Variants in RNLS observed in about 807,000 individuals in gnomAD.
The protein encoded by RNLS is renalase.
A neutral mutation model predicts 39.8 loss-of-function variants in RNLS; 39 were observed. That is an observed-to-expected ratio of 0.98 (90% CI 0.76 to 1.28). RNLS has a LOEUF of 1.28. Among genes scored for constraint, RNLS ranks in the 50% most tolerant of loss-of-function variants. The probability of loss-of-function intolerance (pLI) is 0.00; values close to 1 mark genes in which losing one functional copy is unlikely to be tolerated. For missense variants in RNLS, 410 were observed against 413.3 expected, an observed-to-expected ratio of 0.99 and a Z score of 0.07; for synonymous variants, 147 against 150.7, an observed-to-expected ratio of 0.98 and a Z score of 0.18.
At chr10:88,474,686 GTC>G (rs1360105053) in intron 4 of RNLS, among the ~76,000 whole-genome samples, 1 of 152,166 alleles carries the variant, frequency 6.6e-6, no homozygotes, top group African/African-American at 2.4e-5. Context: ...TGTCAATAGT[GTC>G]TCTGTGTAGC....
At chr10:88,447,548 A>C (rs1589809946) in intron 4 of RNLS, among the ~76,000 whole-genome samples, 1 of 152,352 alleles carries the variant, frequency 6.6e-6, no homozygotes, top group African/African-American at 2.4e-5. Flanking sequence ...GCTCATGGGT[A>C]GGAAGAATCA....
At chr10:88,477,670 C>T (rs1164126183) in intron 4 of RNLS, among the ~76,000 whole-genome samples, 1 of 152,196 alleles carries the variant, frequency 6.6e-6, no homozygotes, top group African/African-American at 2.4e-5. Context: ...CTTCTGTGTG[C>T]TTGACACTAG....
At chr10:88,306,902 A>G (rs1273248604) in intron 6 of RNLS, among the ~76,000 whole-genome samples, 1 of 152,208 alleles carries the variant, frequency 6.6e-6, no homozygotes, top group African/African-American at 2.4e-5. Flanking sequence ...AATATCCTTG[A>G]ACATTGATGC....
At chr10:88,359,900 C>CT (rs1405932371) in intron 5 of RNLS, among the ~76,000 whole-genome samples, 2 of 152,144 alleles carry the variant, frequency 1.3e-5, no homozygotes, top group African/African-American at 4.8e-5. Context: ...TCCTGTGTGC[C>CT]TTTCATAGTA....
At chr10:88,373,645 A>G (rs1850742199) in intron 4 of RNLS, among the ~76,000 whole-genome samples, 1 of 152,062 alleles carries the variant, frequency 6.6e-6, no homozygotes. Flanking sequence ...TTTCTTTGCA[A>G]TGTTTTAAAA....
At chr10:88,282,562 A>G (rs1843058817), downstream of RNLS, among the ~76,000 whole-genome samples, 1 of 151,402 alleles carries the variant, frequency 6.6e-6, no homozygotes. Context: ...AAAATGTAAA[A>G]TTGACCCTGT....
the RNLS span, among the ~76,000 whole-genome samples, chr10:88,234,716 T>C: frequency 6.6e-6 from 1 of 152,192 alleles, no homozygotes; most frequent in South Asian, 2.1e-4. Context: ...TAAATTCTAA[T>C]AGGGGATAAG....
At chr10:88,443,368 G>A (rs1388527093) in intron 4 of RNLS, among the ~76,000 whole-genome samples, 1 of 152,188 alleles carries the variant, frequency 6.6e-6, no homozygotes, top group Non-Finnish European at 1.5e-5. Context: ...AACAGCTCCA[G>A]TCTACAGCTC....
chr10:88,304,174 G>T (rs1844748361), intron 6 of RNLS, among the ~76,000 whole-genome samples: 1 of 152,158 alleles, frequency 6.6e-6, no homozygotes, highest in South Asian at 2.1e-4. Flanking sequence ...CATCAAATAG[G>T]ATAAAAGGGG....
At chr10:88,493,897 T>C (rs914728459) in intron 4 of RNLS, among the ~76,000 whole-genome samples, 11 of 152,282 alleles carry the variant, frequency 7.2e-5, no homozygotes, top group South Asian at 2.1e-4. Flanking sequence ...ATTGTGAACA[T>C]TGGCAGACCA....
chr10:88,310,294 C>T (rs551351289), intron 6 of RNLS, among the ~76,000 whole-genome samples: 42 of 152,090 alleles, frequency 2.8e-4, no homozygotes, highest in Non-Finnish European at 4.7e-4. Flanking sequence ...GACTGGGCCA[C>T]GAGAGACTCT....
chr10:88,200,865 C>T, the RNLS span, among the ~76,000 whole-genome samples: 2 of 152,150 alleles, frequency 1.3e-5, no homozygotes, highest in Non-Finnish European at 2.9e-5. Context: ...GGGAAGTGGT[C>T]CACAGTAACA....
chr10:88,254,852 A>G, the RNLS span, among the ~76,000 whole-genome samples: 5 of 152,222 alleles, frequency 3.3e-5, no homozygotes, highest in South Asian at 2.1e-4. Context: ...ACTATTCCCT[A>G]TGTGGACTCT....
chr10:88,473,261 G>A (rs1253039482), intron 4 of RNLS, among the ~76,000 whole-genome samples: 1 of 152,216 alleles, frequency 6.6e-6, no homozygotes, highest in Non-Finnish European at 1.5e-5. Context: ...GCACATGACT[G>A]TATATCTCAA....
chr10:88,516,557 C>T (rs1846418546), intron 4 of RNLS, among the ~76,000 whole-genome samples: 2 of 151,968 alleles, frequency 1.3e-5, no homozygotes, highest in Admixed American at 1.3e-4. Context: ...AAGGCATATG[C>T]ATTCATGGCT....
chr10:88,545,438 G>C (rs1231352805), intron 4 of RNLS: 1 of 456,244 alleles, frequency 2.2e-6, no homozygotes, highest in South Asian at 1.5e-5. Context: ...GACAAAGAAA[G>C]AGCAAAGGCA....
chr10:88,452,971 G>A (rs1291454220), intron 4 of RNLS, among the ~76,000 whole-genome samples: 1 of 152,174 alleles, frequency 6.6e-6, no homozygotes, highest in Non-Finnish European at 1.5e-5. Context: ...CCATATGTAA[G>A]CCACCTAAAC....
intron 4 of RNLS, among the ~76,000 whole-genome samples, chr10:88,446,159 C>T (rs1157808746): frequency 6.6e-6 from 1 of 152,150 alleles, no homozygotes; most frequent in African/African-American, 2.4e-5. Context: ...GATTAAGAAA[C>T]TCACTCAAAA....
intron 4 of RNLS, among the ~76,000 whole-genome samples, chr10:88,402,239 T>C (rs529881001): frequency 1.3e-4 from 20 of 152,042 alleles, no homozygotes; most frequent in Non-Finnish European, 2.5e-4. Context: ...AAACTGTCCA[T>C]ACAAAGGCAT....
Sources: gnomAD v4.1 joint callset for allele counts (sites outside exome capture counted in the v4.1 genomes callset) on GRCh38, gnomAD v4.1.1 for gene constraint, MANE v1.5 for transcripts, NCBI Gene and HGNC (gene_info 2026-07-23, HGNC 2026-07-21) for gene names.